ZNF600: variants seen among roughly 807,000 people sequenced by gnomAD.
The protein encoded by ZNF600 is zinc finger protein 600, also known as zinc finger protein KR-ZNF1.
ZNF600 carries 4 observed loss-of-function variants against 7.3 expected under a neutral mutation model. The ratio of observed to expected loss-of-function variants is 0.55; its 90% CI spans 0.27 to 1.25. The LOEUF is 1.25. Ranked by LOEUF, ZNF600 falls within the 50% of genes most tolerant of loss-of-function variation. The probability of loss-of-function intolerance (pLI) is 0.12; values close to 1 mark genes in which losing one functional copy is unlikely to be tolerated. For missense variants in ZNF600, 911 were observed against 922.1 expected (o/e 0.99, Z 0.16); for synonymous variants, 290 against 308.9 (o/e 0.94, Z 0.64).
chr19:52,799,519 T>C, the ZNF600 span: 1 of 1,269,758 alleles, frequency 7.9e-7, no homozygotes, highest in Non-Finnish European at 1.1e-6. Flanking sequence ...TCATTACACT[T>C]GTAAAGTTTC....
the ZNF600 span, chr19:52,810,648 G>T: frequency 4.0e-6 from 5 of 1,247,542 alleles, no homozygotes; most frequent in Non-Finnish European, 5.9e-6. Context: ...TTAACAGCAG[G>T]CTCTGGGGTC....
chr19:52,765,783 C>A (rs2062565725), exon 4 of ZNF600: 1 of 1,613,766 alleles, frequency 6.2e-7, no homozygotes, highest in Non-Finnish European at 8.5e-7. Context: ...AGGATGAATT[C>A]TCCTATGTCT....
the ZNF600 span, chr19:52,817,830 G>T: frequency 8.9e-6 from 14 of 1,569,020 alleles, no homozygotes; most frequent in East Asian, 2.2e-5. Context: ...CATGGGTGAG[G>T]GTGAGCAAAC....
At chr19:52,794,554 C>T in the ZNF600 span, among the ~76,000 whole-genome samples, 21 of 152,128 alleles carry the variant, frequency 1.4e-4, no homozygotes, top group Non-Finnish European at 2.9e-5. Context: ...GGTCTTCCTT[C>T]TCTAGAAAAT....
At chr19:52,825,816 T>TA in the ZNF600 span, among the ~76,000 whole-genome samples, 1 of 151,990 alleles carries the variant, frequency 6.6e-6, no homozygotes, top group Non-Finnish European at 1.5e-5. Context: ...TGAAACTCCA[T>TA]CTCTATTAAA....
chr19:52,799,201 T>C, the ZNF600 span: 1 of 387,726 alleles, frequency 2.6e-6, no homozygotes, highest in South Asian at 2.5e-5. Context: ...TTCTCTCCAA[T>C]ACGAATTGCC....
Position 52,765,946 on chromosome 19 carries a change from G to C in ZNF600, c.2017C>G (p.His673Asp). 1 of 1,614,194 alleles carries C rather than the reference G, an allele frequency of 6.2e-7. No individual in the cohort carries two copies. The highest frequency in any genetic ancestry group is 8.5e-7 in the Non-Finnish European group (1 of 1,180,028). Residue 673 changes from histidine (H) to aspartate (D), a missense_variant, in exon 4 of 4, where the codon CAC (histidine) becomes GAC (aspartate). By Grantham distance (81) the His-to-Asp change is moderately conservative. Coordinates refer to ENST00000648973, the Ensembl canonical transcript of ZNF600. Reference sequence around the variant, plus strand: ...CACTTGTAAGGTTTCTCTGCAGTGTGAATTCTGGTATGTCTTGCCAGGTAT... The same window carrying C: ...CACTTGTAAGGTTTCTCTGCAGTGTCAATTCTGGTATGTCTTGCCAGGTAT...
the ZNF600 span, among the ~76,000 whole-genome samples, chr19:52,813,249 GAAAAAAAA>G: frequency 4.0e-4 from 25 of 62,984 alleles, 1 homozygote; most frequent in Admixed American, 1.2e-3. Context: ...CTTGAATGGT[GAAAAAAAA>G]AAAAAAAAAA....
At chr19:52,810,280 T>C in the ZNF600 span, 36 of 1,449,538 alleles carry the variant, frequency 2.5e-5, no homozygotes, top group Non-Finnish European at 3.0e-5. Context: ...ATCACGTCCA[T>C]TGAGGAGAAG....
chr19:52,817,854 C>A, the ZNF600 span: 1 of 1,592,670 alleles, frequency 6.3e-7, no homozygotes, highest in African/African-American at 1.3e-5. Context: ...TCAGGCAGGA[C>A]ACTTCAGACT....
chr19:52,778,713 T>A (rs1568632331), intron 2 of ZNF600, 113 bp downstream of exon 4: 3 of 1,399,892 alleles, frequency 2.1e-6, no homozygotes, highest in African/African-American at 2.9e-5. Flanking sequence ...TGGCTGAGTG[T>A]GAGTGAACGT....
At chr19:52,810,337 G>A in the ZNF600 span, 1 of 1,603,948 alleles carries the variant, frequency 6.2e-7, no homozygotes, top group Non-Finnish European at 8.5e-7. Flanking sequence ...GTGGACTGCG[G>A]TGCAACAGCA....
the ZNF600 span, among the ~76,000 whole-genome samples, chr19:52,830,577 G>T: frequency 5.9e-5 from 9 of 152,200 alleles, 1 homozygote; most frequent in African/African-American, 2.2e-4. Context: ...GCTGACAGTG[G>T]TTCTGAAGCC....
Position 52,774,502 on chromosome 19 carries a change from G to C in ZNF600, c.190+73C>G, listed in dbSNP as rs112951398. ...ATGCATGGGGCAAAATCACAAAAGAGAACACAAAACCAGGAAGGGCCAAGA... is the reference window on the plus strand; with the variant it reads ...ATGCATGGGGCAAAATCACAAAAGACAACACAAAACCAGGAAGGGCCAAGA... On this transcript the variant is annotated intron_variant, in intron 3 of 3. Transcript: ENST00000648973. The C allele has an allele frequency of 4.1e-3, 3,956 of 959,166 alleles. 134 individuals are homozygous for C. In the African/African-American group the frequency reaches 0.069, roughly 17 times the overall value. 59.4% of individuals were successfully genotyped at this position (959,166 alleles called of 1,614,324 possible). A position where few individuals can be genotyped will look rare whatever the true frequency, so the allele number is the denominator to read the frequency against.
At chr19:52,789,752 A>C (rs1251637771), upstream of ZNF600, among the ~76,000 whole-genome samples, 3 of 152,134 alleles carry the variant, frequency 2.0e-5, no homozygotes, top group African/African-American at 7.2e-5. Flanking sequence ...AAAAAATATG[A>C]AAAATACGGC....
chr19:52,825,010 T>C, the ZNF600 span, among the ~76,000 whole-genome samples: 56 of 152,096 alleles, frequency 3.7e-4, no homozygotes, highest in African/African-American at 1.3e-3. Flanking sequence ...GATGGGAGGA[T>C]TGCTTGAGCC....
Position 52,786,799 on chromosome 19 carries a change from G to T in ZNF600, c.-224C>A. ...TTGTGCGCGCCCAGGACTGAAGCCA[G>T]GCCGGGGCAGGTTGGCTGGACCTGG... is the stretch of plus-strand genomic sequence containing the variant. On this transcript the variant is annotated 5_prime_UTR_variant, in exon 1 of 4. Coordinates refer to ENST00000648973, the Ensembl canonical transcript of ZNF600. The T allele has an allele frequency of 2.7e-6, 1 of 365,106 alleles. No individual in the cohort carries two copies. Among genetic ancestry groups the T allele is most frequent in the Non-Finnish European group, 5.8e-6 (1 of 172,306 alleles). 22.6% of individuals were successfully genotyped at this position (365,106 alleles called of 1,614,324 possible).
intron 1 of ZNF600, among the ~76,000 whole-genome samples, chr19:52,783,603 C>T (rs2062741201): frequency 6.6e-6 from 1 of 152,150 alleles, no homozygotes; most frequent in South Asian, 2.1e-4. Flanking sequence ...CCTAGTGATC[C>T]GCCCGCCTCG....
chr19:52,826,231 C>T, the ZNF600 span, among the ~76,000 whole-genome samples: 1 of 152,098 alleles, frequency 6.6e-6, no homozygotes, highest in Non-Finnish European at 1.5e-5. Context: ...TTATCCTCTA[C>T]CACTGATGTT....
Sources: allele counts gnomAD v4.1 joint callset (sites outside exome capture counted in the v4.1 genomes callset), GRCh38; gene constraint gnomAD v4.1.1; transcripts MANE v1.5; gene names NCBI Gene and HGNC (gene_info 2026-07-23, HGNC 2026-07-21).